Variants in BCL9 observed in about 807,000 individuals in gnomAD.
BCL9 encodes the protein BCL9 transcription coactivator.
Under a neutral mutation model 88.5 loss-of-function variants are expected in BCL9, and 25 were observed. That is an observed-to-expected ratio of 0.28 (90% confidence interval 0.21 to 0.39). BCL9 has a LOEUF of 0.39. Ranked by LOEUF, BCL9 falls within the 10% of genes least tolerant of loss-of-function variation. BCL9 has a pLI of 1.00. For synonymous variants in BCL9, 711 were observed against 673.3 expected (o/e 1.06, Z -0.87); for missense variants, 1,817 against 1,877.8 (o/e 0.97, Z 0.60).
intron 1 of BCL9, among the ~76,000 whole-genome samples, chr1:147,599,851 G>A (rs587633060): frequency 6.6e-6 from 1 of 151,628 alleles, no homozygotes; most frequent in Non-Finnish European, 1.5e-5. Flanking sequence ...GGAGGCCGCG[G>A]CGGGTTGGTA....
At chr1:147,555,050 A>T (rs941655898) in intron 1 of BCL9, among the ~76,000 whole-genome samples, 3 of 152,000 alleles carry the variant, frequency 2.0e-5, no homozygotes, top group Non-Finnish European at 2.9e-5. Flanking sequence ...ATAATTTTGC[A>T]CTCATTTTTA....
chr1:147,602,732 T>G (rs1290291270), intron 1 of BCL9, among the ~76,000 whole-genome samples: 6 of 152,216 alleles, frequency 3.9e-5, no homozygotes, highest in African/African-American at 1.4e-4. Context: ...GTTCTCATTG[T>G]ATAAGGCAAG....
At chr1:147,591,704 T>C (rs1006964759) in intron 1 of BCL9, among the ~76,000 whole-genome samples, 1 of 152,102 alleles carries the variant, frequency 6.6e-6, no homozygotes, top group Non-Finnish European at 1.5e-5. Context: ...GCTCCTTGTC[T>C]CTCCCTCCTG....
intron 1 of BCL9, among the ~76,000 whole-genome samples, chr1:147,543,462 T>A (rs1460138342): frequency 6.6e-6 from 1 of 152,220 alleles, no homozygotes; most frequent in Non-Finnish European, 1.5e-5. Context: ...CTTCTGAGTA[T>A]GGGAAAAGCT....
In BCL9 at chr1:147,619,690, G is replaced by A. The variant is rs899560229; in HGVS notation, c.1535G>A (p.Arg512Gln). ...CAGCACGGGCCTCGGGGAGTGGTCC[G>A]AGGACCCCCCCCTCCATACCAGATG... ...VHQHGPRGVV[R>Q]GPPPPYQMTP... The change falls in exon 8 of 10, where the codon CGA becomes CAA. Residue 512 changes from arginine (R) to glutamine (Q), a missense_variant. Physicochemically the swap from Arg to Gln is conservative, Grantham distance 43. This residue lies in a region of BCL9 where 1,228 missense variants were observed against 1,191.6 expected (regional missense o/e 1.03). Transcript: ENST00000234739. The surrounding 1 kb of genome is among the most constrained non-coding windows in gnomAD (Gnocchi z 4.1). 5 of 1,613,980 alleles carry A rather than the reference G, an allele frequency of 3.1e-6. No individual in the cohort carries two copies. Among genetic ancestry groups the A allele is most frequent in the South Asian group, 1.1e-5 (1 of 91,080 alleles).
At chr1:147,600,619 A>T (rs1277853863) in intron 1 of BCL9, among the ~76,000 whole-genome samples, 3 of 151,720 alleles carry the variant, frequency 2.0e-5, no homozygotes, top group African/African-American at 7.3e-5. Context: ...GTGCTTGGAG[A>T]GGTTAAACCA....
In BCL9 at chr1:147,566,770, AAAAAAG is replaced by A. The variant is rs1456857989; in HGVS notation, c.-478+25100_-478+25105del. 8.0e-5 allele frequency among the ~76,000 whole-genome samples: 10 copies of A among 125,586 alleles called. No homozygotes were observed. In the Middle Eastern group the frequency reaches 0.013, roughly 168 times the overall value. The allele number at this position is 125,586 out of a possible 152,430, so 82.4% of individuals were successfully genotyped here. ...AGACGCTGTCTCAAAAAAAAAGAAA[AAAAAAG>A]AAAGTCATGGGCCATAAAGCTAAAG... On this transcript the variant is annotated intron_variant, in intron 1 of 9. Transcript: ENST00000234739.
At chr1:147,622,130 T>A in intron 8 of BCL9, 141 bp from the exon 9 acceptor site, 1 of 1,198,710 alleles carries the variant, frequency 8.3e-7, no homozygotes, top group Non-Finnish European at 1.2e-6. Flanking sequence ...AGAAGATTGA[T>A]GATTTGTGTC....
intron 1 of BCL9, among the ~76,000 whole-genome samples, chr1:147,591,683 T>C (rs1656850910): frequency 6.6e-6 from 1 of 152,188 alleles, no homozygotes; most frequent in Non-Finnish European, 1.5e-5. Context: ...CTCCTTTCAG[T>C]CTCTGGCTTG....
chr1:147,580,193 T>C (rs782199538), intron 1 of BCL9, among the ~76,000 whole-genome samples: 6 of 152,174 alleles, frequency 3.9e-5, no homozygotes, highest in Admixed American at 1.3e-4. Context: ...AATAGATGGA[T>C]TGTGAAAGCC....
intron 1 of BCL9, among the ~76,000 whole-genome samples, chr1:147,543,060 T>TC (rs1433484809): frequency 2.0e-5 from 3 of 152,242 alleles, no homozygotes; most frequent in Admixed American, 2.0e-4. Context: ...TTTTGCTTTT[T>TC]CAAGTGACAT....
chr1:147,606,153 A>G (rs1553201955), intron 2 of BCL9, among the ~76,000 whole-genome samples: 1 of 152,172 alleles, frequency 6.6e-6, no homozygotes. Context: ...AATGGTGGAA[A>G]TTGTTCTGCT....
At chr1:147,562,603 A>T (rs1655428643) in intron 1 of BCL9, among the ~76,000 whole-genome samples, 1 of 152,148 alleles carries the variant, frequency 6.6e-6, no homozygotes. Flanking sequence ...AAAAATGCAA[A>T]GGGGAGTTGA....
At chr1:147,616,984 A>T (rs951678482) in intron 7 of BCL9, among the ~76,000 whole-genome samples, 12 of 152,220 alleles carry the variant, frequency 7.9e-5, no homozygotes, top group African/African-American at 2.7e-4. Flanking sequence ...ACAATAAATG[A>T]TCAAAGTGAC....
At chr1:147,588,763 C>G (rs1424997491) in intron 1 of BCL9, among the ~76,000 whole-genome samples, 1 of 152,194 alleles carries the variant, frequency 6.6e-6, no homozygotes, top group Non-Finnish European at 1.5e-5. Context: ...TCATATCCAT[C>G]TTGGTAGTTA....
chr1:147,543,639 T>A (rs1409819956), intron 1 of BCL9, among the ~76,000 whole-genome samples: 1 of 152,206 alleles, frequency 6.6e-6, no homozygotes, highest in African/African-American at 2.4e-5. Flanking sequence ...GATTTCAGGG[T>A]CCAGATATCT....
chr1:147,612,685 G>A (rs1360455550), intron 4 of BCL9, among the ~76,000 whole-genome samples, 198 bp from the exon 5 acceptor site: 1 of 152,096 alleles, frequency 6.6e-6, no homozygotes, highest in African/African-American at 2.4e-5. Context: ...AGGCCACTCT[G>A]CTTGATCCTC....
At chr1:147,596,184 A>C (rs1024372216) in intron 1 of BCL9, among the ~76,000 whole-genome samples, 3 of 152,156 alleles carry the variant, frequency 2.0e-5, no homozygotes, top group African/African-American at 4.8e-5. Flanking sequence ...GAGGTGGGAA[A>C]ATTGATTTCC....
chr1:147,596,276 G>A (rs1483760880), intron 1 of BCL9, among the ~76,000 whole-genome samples: 1 of 152,156 alleles, frequency 6.6e-6, no homozygotes, highest in Admixed American at 6.5e-5. Flanking sequence ...TCAATAGACT[G>A]GTGAAAGGTA....
Sources: allele counts gnomAD v4.1 joint callset (sites outside exome capture counted in the v4.1 genomes callset), GRCh38; gene constraint gnomAD v4.1.1; regional missense constraint gnomAD v4.1.1; non-coding constraint Gnocchi (gnomAD v3.1); transcripts MANE v1.5; gene names NCBI Gene and HGNC (gene_info 2026-07-23, HGNC 2026-07-21).